KLC1: variants seen among roughly 807,000 people sequenced by gnomAD.
KLC1 encodes the protein kinesin light chain 1.
Under a neutral mutation model 84.2 loss-of-function variants are expected in KLC1, and 30 were observed. The ratio of observed to expected loss-of-function variants is 0.36; its 90% confidence interval spans 0.27 to 0.48. KLC1 has a LOEUF of 0.48. KLC1 is among the 20% of genes least tolerant of loss of function. The probability of loss-of-function intolerance (pLI) is 0.99; values close to 1 mark genes in which losing one functional copy is unlikely to be tolerated. For synonymous variants in KLC1, 289 were observed against 293.3 expected (o/e 0.99, Z 0.15); for missense variants, 499 against 805.4 (o/e 0.62, Z 4.60).
intron 13 of KLC1, among the ~76,000 whole-genome samples, chr14:103,680,636 A>G (rs938892837): frequency 1.4e-4 from 21 of 152,230 alleles, no homozygotes; most frequent in African/African-American, 4.8e-4. Context: ...AAGACAACCA[A>G]TCAGCATCTG....
At chr14:103,637,092 C>T (rs780448715) in intron 1 of KLC1, among the ~76,000 whole-genome samples, 9 of 151,400 alleles carry the variant, frequency 5.9e-5, no homozygotes, top group South Asian at 2.1e-4. Context: ...CCCAGGCTGA[C>T]GTATTTTTTA....
intron 15 of KLC1, chr14:103,700,087 T>G (rs1232270452): frequency 4.5e-6 from 1 of 220,606 alleles, no homozygotes; most frequent in Non-Finnish European, 9.2e-6. Flanking sequence ...CTGATGCCCT[T>G]CAGGCGTTAC....
chr14:103,672,997 C>T lies in KLC1; in HGVS notation c.988-17C>T. 6.2e-7 allele frequency: 1 copy of T among 1,612,514 alleles called. No individual in the cohort carries two copies. Among genetic ancestry groups the T allele is most frequent in the Non-Finnish European group, 8.5e-7 (1 of 1,178,768 alleles). On this transcript the variant is annotated splice_polypyrimidine_tract_variant and intron_variant, in intron 7 of 16. Coordinates refer to ENST00000334553, the MANE Select transcript of KLC1 (RefSeq NM_001394837.1). ...AAGCAGAACAAGTGTCTCTAATATGCTGTTTTTTATTTTCAGGTTTTGGGG... is the reference window on the plus strand; with the variant it reads ...AAGCAGAACAAGTGTCTCTAATATGTTGTTTTTTATTTTCAGGTTTTGGGG...
intron 3 of KLC1, among the ~76,000 whole-genome samples, chr14:103,659,047 G>A (rs1488914231): frequency 1.3e-5 from 2 of 151,424 alleles, no homozygotes; most frequent in Non-Finnish European, 2.9e-5. Flanking sequence ...GCGCGATCTT[G>A]GCTCACTGCA....
At chr14:103,684,128 G>A (rs1490355570) in intron 13 of KLC1, 2 of 152,274 alleles carry the variant, frequency 1.3e-5, no homozygotes, top group Non-Finnish European at 2.9e-5. Flanking sequence ...ATTGAGCCAA[G>A]ATCATGCCAC....
chr14:103,651,813 C>A (rs1286457988), intron 1 of KLC1, among the ~76,000 whole-genome samples: 1 of 152,196 alleles, frequency 6.6e-6, no homozygotes, highest in Non-Finnish European at 1.5e-5. Context: ...CCCTTACTAG[C>A]CTTGAGAGGT....
chr14:103,650,113 T>C (rs954832455), intron 1 of KLC1, among the ~76,000 whole-genome samples: 11 of 152,142 alleles, frequency 7.2e-5, no homozygotes, highest in African/African-American at 2.7e-4. Context: ...AATAGGACTT[T>C]TTTTTTTTAA....
intron 3 of KLC1, among the ~76,000 whole-genome samples, chr14:103,658,253 C>G (rs943894744): frequency 6.6e-6 from 1 of 152,044 alleles, no homozygotes; most frequent in Non-Finnish European, 1.5e-5. Flanking sequence ...AAGAAACGAT[C>G]TTGGTTTTCT....
chr14:103,631,341 A>G (rs1260931371), intron 1 of KLC1, among the ~76,000 whole-genome samples: 7 of 152,112 alleles, frequency 4.6e-5, no homozygotes, highest in Non-Finnish European at 5.9e-5. Context: ...CGGCCTCCCA[A>G]AGTGCTGGGA....
chr14:103,673,461 T>C (rs761015150), intron 9 of KLC1, 30 bp downstream of exon 9: 5 of 1,356,760 alleles, frequency 3.7e-6, no homozygotes, highest in African/African-American at 1.5e-5. Flanking sequence ...TTCAAGTGAA[T>C]TTAATTGTAT....
intron 6 of KLC1, among the ~76,000 whole-genome samples, 154 bp downstream of exon 6, chr14:103,669,752 C>T (rs780223903): frequency 1.3e-5 from 2 of 152,192 alleles, no homozygotes; most frequent in Non-Finnish European, 2.9e-5. Context: ...TTACTCAGTG[C>T]TAGTGACAGG....
intron 13 of KLC1, chr14:103,686,121 C>G (rs2081765238): frequency 7.1e-6 from 7 of 990,788 alleles, no homozygotes; most frequent in Non-Finnish European, 8.4e-6. Context: ...GCTGTGTAGT[C>G]TGTGTGTGAA....
At chr14:103,677,728 G>GTGGGCAGA (rs2081018240) in intron 12 of KLC1, among the ~76,000 whole-genome samples, 1 of 152,156 alleles carries the variant, frequency 6.6e-6, no homozygotes, top group African/African-American at 2.4e-5. Flanking sequence ...GGAGGCCAGC[G>GTGGGCAGA]TGGGCAGATC....
At chr14:103,644,793 C>G (rs775261488) in intron 1 of KLC1, among the ~76,000 whole-genome samples, 49 of 152,080 alleles carry the variant, frequency 3.2e-4, no homozygotes, top group Non-Finnish European at 5.6e-4. Context: ...TTTTAATTTT[C>G]TTAGGACAAT....
At chr14:103,699,700 C>T in intron 15 of KLC1, 1 of 893,558 alleles carries the variant, frequency 1.1e-6, no homozygotes, top group South Asian at 1.4e-5. Context: ...TCACAGTGCC[C>T]ATACTCTGTA....
At chr14:103,699,359 C>A in intron 15 of KLC1, 1 of 1,599,884 alleles carries the variant, frequency 6.3e-7, no homozygotes, top group Non-Finnish European at 8.5e-7. Flanking sequence ...TGCCTTGGTG[C>A]TCACCTGGTT....
intron 12 of KLC1, among the ~76,000 whole-genome samples, chr14:103,677,985 A>G (rs1375514783): frequency 6.8e-6 from 1 of 146,986 alleles, no homozygotes; most frequent in Non-Finnish European, 1.5e-5. Flanking sequence ...AAAAAAAAAA[A>G]AAGCATGAGG....
chr14:103,649,319 A>C (rs1296733869), intron 1 of KLC1, among the ~76,000 whole-genome samples: 2 of 152,160 alleles, frequency 1.3e-5, no homozygotes, highest in East Asian at 3.9e-4. Flanking sequence ...GCAAAAGTTG[A>C]GTCACTATCT....
chr14:103,673,207 C>T lies in KLC1; in HGVS notation c.1161+20C>T. 1 of 1,602,650 alleles carries T rather than the reference C, an allele frequency of 6.2e-7. No homozygotes were observed. Among genetic ancestry groups the T allele is most frequent in the Non-Finnish European group, 8.5e-7 (1 of 1,175,498 alleles). The stretch of plus-strand genomic sequence containing the variant: ...AACCTGGTGTGTTGACTGCACAGCA[C>T]TAGGGAGGGGGCCAGGAGTGCTTTC... On this transcript the variant is annotated intron_variant, in intron 8 of 16. Transcript: ENST00000334553.
Sources: allele counts gnomAD v4.1 joint callset (sites outside exome capture counted in the v4.1 genomes callset), GRCh38; gene constraint gnomAD v4.1.1; transcripts MANE v1.5; gene names NCBI Gene and HGNC (gene_info 2026-07-23, HGNC 2026-07-21).